GHRHR: variants seen among roughly 807,000 people sequenced by gnomAD.
The protein encoded by GHRHR is growth hormone-releasing hormone receptor.
A neutral mutation model predicts 58.3 loss-of-function variants in GHRHR; 40 were observed. The ratio of observed to expected loss-of-function variants is 0.69; its 90% CI spans 0.53 to 0.89. The LOEUF (loss-of-function observed/expected upper bound fraction) is 0.89, where lower values mean the gene tolerates loss of function less well. Ranked by LOEUF, GHRHR falls within the 40% of genes least tolerant of loss-of-function variation. GHRHR has a pLI of 0.00. For missense variants in GHRHR, 551 were observed against 541.3 expected (o/e 1.02, Z -0.18); for synonymous variants, 249 against 216.6 (o/e 1.15, Z -1.31).
chr7:30,977,121 G>A (rs1043064383), intron 11 of GHRHR, among the ~76,000 whole-genome samples, 160 bp from the exon 12 acceptor site: 2 of 152,224 alleles, frequency 1.3e-5, no homozygotes, highest in African/African-American at 4.8e-5. Context: ...AATATGCCTG[G>A]CACATAGTAA....
rs575933884 is a variant in GHRHR, at chr7:30,971,272, G to T, written c.464+56G>T. 3 of 803,150 alleles carry T rather than the reference G, an allele frequency of 3.7e-6. No individual in the cohort carries two copies. In the African/African-American group the frequency reaches 5.1e-5, roughly 14 times the overall value. The allele number at this position is 803,150 out of a possible 1,614,324, so 49.8% of individuals were successfully genotyped here. Reference sequence around the variant, plus strand: ...CTTCCTTGGCTCCTTATTTCCCAGAGGGTCAAGTCTGCTTCCTTGCCTACA... The same window carrying T: ...CTTCCTTGGCTCCTTATTTCCCAGATGGTCAAGTCTGCTTCCTTGCCTACA... On this transcript the variant is annotated intron_variant, in intron 5 of 12. Coordinates refer to ENST00000326139, the MANE Select transcript of GHRHR (RefSeq NM_000823.4).
chr7:30,970,164 C>G (rs886165679), intron 4 of GHRHR, among the ~76,000 whole-genome samples, 200 bp downstream of exon 4: 12 of 152,178 alleles, frequency 7.9e-5, no homozygotes, highest in Non-Finnish European at 1.5e-4. Flanking sequence ...GGCCAAGTTA[C>G]TTGGAGGGAG....
At chr7:30,970,046 C>A in intron 4 of GHRHR, 82 bp downstream of exon 4, 1 of 782,644 alleles carries the variant, frequency 1.3e-6, no homozygotes, top group South Asian at 1.3e-5. Flanking sequence ...GGCCGCCATT[C>A]TCTAGCCTGC....
At chr7:30,971,875 C>A (rs998103987) in intron 5 of GHRHR, 88 bp from the exon 6 acceptor site, 2 of 1,217,764 alleles carry the variant, frequency 1.6e-6, no homozygotes, top group Admixed American at 1.7e-5. Flanking sequence ...ATTCGATTCA[C>A]CTCCTGCCCT....
In GHRHR at chr7:30,972,026, G is replaced by A. The variant is rs139700235; in HGVS notation, c.528G>A (p.Ala176=). Residue 176 remains alanine, a synonymous_variant, in exon 6 of 13, where the codon GCG becomes GCA. Coordinates refer to ENST00000326139, the MANE Select transcript of GHRHR (RefSeq NM_000823.4). The stretch of plus-strand genomic sequence containing the variant: ...TGTTCACCACTTTTATCCTCAAGGC[G>A]GGAGCTGTGTTCCTGAAGGATGCTG... ...TQLFTTFILK[A]GAVFLKDAAL... is the part of the protein sequence containing the mutation. 2.6e-5 allele frequency: 42 copies of A among 1,613,922 alleles called. No homozygotes were observed. In the African/African-American group the frequency reaches 3.9e-4, roughly 15 times the overall value.
Position 30,973,989 on chromosome 7 carries a change from T to C in GHRHR, c.602T>C (p.Leu201Pro). 6.2e-7 allele frequency: 1 copy of C among 1,613,500 alleles called. No homozygotes were observed. The change falls in exon 7 of 13, where the codon CTA becomes CCA. Residue 201 changes from leucine to proline, a missense_variant. Coordinates refer to ENST00000326139, the MANE Select transcript of GHRHR (RefSeq NM_000823.4). ...DTDHCSFSTVLCKVSVAASHF... is the reference protein window; with the variant it reads ...DTDHCSFSTVPCKVSVAASHF... ...CACCCAGGTCCTGGCCCCCAGGTTC[T>C]ATGCAAGGTCTCTGTGGCCGCCTCC...
chr7:30,976,119 G>A, intron 10 of GHRHR: 4 of 579,898 alleles, frequency 6.9e-6, no homozygotes, highest in Admixed American at 3.0e-5. Flanking sequence ...GGAGCCTGGG[G>A]AGAGGGATCC....
intron 1 of GHRHR, among the ~76,000 whole-genome samples, chr7:30,964,944 C>A (rs1396233913): frequency 2.6e-5 from 4 of 152,152 alleles, no homozygotes; most frequent in African/African-American, 7.2e-5. Context: ...TTGGAGGGTG[C>A]TGCCCCTCCC....
intron 6 of GHRHR, 161 bp downstream of exon 6, chr7:30,972,256 C>T (rs917538126): frequency 4.3e-6 from 3 of 703,048 alleles, no homozygotes; most frequent in Admixed American, 2.3e-5. Context: ...CCATGTCACC[C>T]CCTAAGTCCT....
chr7:30,974,197 G>A (rs1249200295), intron 7 of GHRHR, 59 bp downstream of exon 7: 2 of 1,556,890 alleles, frequency 1.3e-6, no homozygotes, highest in African/African-American at 2.7e-5. Flanking sequence ...AAGGCCCAGG[G>A]AGTTTACATA....
At position 30,977,324 on chromosome 7, in the gene GHRHR, T is replaced by A; in HGVS notation, c.1146+2T>A. 3 of 1,613,506 alleles carry A rather than the reference T, an allele frequency of 1.9e-6. No individual in the cohort carries two copies. The South Asian group carries it at 3.3e-5, about 18-fold the overall frequency. ...CTCTACTGCTTCCTCAACCAAGAGGTGTGTGATTTTTGAGGCTATCCCTCA... is the reference window on the plus strand; with the variant it reads ...CTCTACTGCTTCCTCAACCAAGAGGAGTGTGATTTTTGAGGCTATCCCTCA... On this transcript the variant is annotated splice_donor_variant, in intron 12 of 12. Coordinates refer to ENST00000326139, the MANE Select transcript of GHRHR (RefSeq NM_000823.4). LOFTEE classifies it high-confidence loss of function.
intron 11 of GHRHR, among the ~76,000 whole-genome samples, chr7:30,976,900 C>T (rs1311771080): frequency 1.4e-5 from 2 of 144,866 alleles, no homozygotes; most frequent in Admixed American, 6.9e-5. Flanking sequence ...ATTCATCCAC[C>T]CACCCACCCA....
chr7:30,974,455 T>C lies in GHRHR; in HGVS notation c.778T>C (p.Trp260Arg). 6.2e-7 allele frequency: 1 copy of C among 1,613,330 alleles called. No homozygotes were observed. Among genetic ancestry groups the C allele is most frequent in the East Asian group, 2.2e-5 (1 of 44,866 alleles). ...WGLPVLFTGT[W>R]VSCKLAFEDI... The stretch of plus-strand genomic sequence containing the variant: ...GCTGCCCGTGCTCTTCACTGGCACG[T>C]GGGTGAGCTGCAAACTGGCCTTCGA... Residue 260 changes from tryptophan (W) to arginine (R), a missense_variant, in exon 8 of 13, where the codon TGG becomes CGG. Trp to Arg is a moderately radical substitution (Grantham distance 101). Coordinates refer to ENST00000326139, the MANE Select transcript of GHRHR (RefSeq NM_000823.4).
chr7:30,975,675 G>T (rs1203965048), intron 9 of GHRHR, 102 bp from the exon 10 acceptor site: 3 of 750,608 alleles, frequency 4.0e-6, no homozygotes, highest in Non-Finnish European at 7.4e-6. Context: ...CACGTCTCAA[G>T]GATTTAAATT....
chr7:30,974,344 C>T (rs1392687700), intron 7 of GHRHR, 85 bp from the exon 8 acceptor site: 1 of 1,157,214 alleles, frequency 8.6e-7, no homozygotes. Context: ...CCCTACGTGG[C>T]TGATGGTGGT....
chr7:30,965,971 G>A (rs906104287), intron 1 of GHRHR, among the ~76,000 whole-genome samples: 13 of 152,172 alleles, frequency 8.5e-5, no homozygotes, highest in Non-Finnish European at 1.6e-4. Flanking sequence ...GCTGAGTCCG[G>A]GGCACCCACC....
intron 9 of GHRHR, among the ~76,000 whole-genome samples, 162 bp from the exon 10 acceptor site, chr7:30,975,615 G>C (rs1168274850): frequency 6.6e-6 from 1 of 151,986 alleles, no homozygotes; most frequent in East Asian, 1.9e-4. Context: ...CCATCTCCAG[G>C]CTACCAGTTC....
At chr7:30,971,546 A>AT (rs1413370817) in intron 5 of GHRHR, among the ~76,000 whole-genome samples, 2 of 152,080 alleles carry the variant, frequency 1.3e-5, no homozygotes, top group African/African-American at 4.8e-5. Context: ...CTTGACTGTT[A>AT]TAACTCTCTG....
chr7:30,968,972 A>G (rs1489670918), intron 2 of GHRHR, 36 bp downstream of exon 2: 1 of 1,562,594 alleles, frequency 6.4e-7, no homozygotes, highest in Admixed American at 1.7e-5. Flanking sequence ...GGCTTCTCTG[A>G]TTCCTTTATA....
Sources: allele counts gnomAD v4.1 joint callset (sites outside exome capture counted in the v4.1 genomes callset), GRCh38; gene constraint gnomAD v4.1.1; transcripts MANE v1.5; gene names NCBI Gene and HGNC (gene_info 2026-07-23, HGNC 2026-07-21).